The following MPV17 variants were observed in gnomAD, a reference collection of about 807,000 sequenced individuals.
MPV17 encodes mitochondrial inner membrane protein MPV17.
MPV17 carries 31 observed loss-of-function variants against 28.6 expected under a neutral mutation model. The observed-to-expected ratio is 1.08, with a 90% CI of 0.81 to 1.46. The LOEUF is 1.46. Among genes scored for constraint, MPV17 ranks in the 40% most tolerant of loss-of-function variants. The pLI is 0.00. For missense variants in MPV17, 198 were observed against 216.2 expected, an observed-to-expected ratio of 0.92 and a Z score of 0.53; for synonymous variants, 87 against 85.3, an observed-to-expected ratio of 1.02 and a Z score of -0.11.
At chr2:27,311,381 A>G (rs998951341) in intron 7 of MPV17, 5 of 584,374 alleles carry the variant, frequency 8.6e-6, no homozygotes, top group Admixed American at 3.0e-5. Flanking sequence ...CGTTTTAGCT[A>G]TGCTACTCAT....
At position 27,322,492 on chromosome 2, in the gene MPV17, C is replaced by T. The variant is rs925530420; in HGVS notation, c.26G>A (p.Arg9Gln). Reference sequence around the variant, plus strand: ...TTTCCACGGGTGAGCGGCCAGGGCCCGCTGGTATGCCCGCCAGAGTGCCAT... The same window carrying T: ...TTTCCACGGGTGAGCGGCCAGGGCCTGCTGGTATGCCCGCCAGAGTGCCAT... MALWRAYQRALAAHPWKVQ... is the reference protein window; with the variant it reads MALWRAYQQALAAHPWKVQ... The change falls in exon 2 of 8, where the codon CGG (arginine) becomes CAG (glutamine). Residue 9 changes from arginine to glutamine, a missense_variant. Physicochemically the swap from Arg to Gln is conservative, Grantham distance 43 (BLOSUM62 1). Transcript: ENST00000380044. 1.9e-6 allele frequency: 3 copies of T among 1,613,940 alleles called. No homozygotes were observed. Among genetic ancestry groups the T allele is most frequent in the African/African-American group, 2.7e-5 (2 of 74,944 alleles).
chr2:27,309,636 C>G lies in MPV17; in HGVS notation c.*276G>C. ...GAAGAGTGGGGATGAGTGGCATTTG[C>G]TGGGATATGGGTGTAAAGTTGATAA... On this transcript the variant is annotated 3_prime_UTR_variant, in exon 8 of 8. Coordinates refer to ENST00000380044, the MANE Select transcript of MPV17 (RefSeq NM_002437.5). 1.7e-6 allele frequency: 1 copy of G among 594,538 alleles called. No homozygotes were observed. Among genetic ancestry groups the G allele is most frequent in the Non-Finnish European group, 3.0e-6 (1 of 332,596 alleles). 36.8% of individuals were successfully genotyped at this position (594,538 alleles called of 1,614,324 possible).
In MPV17 at chr2:27,312,989, C is replaced by T. The variant is rs757562531; in HGVS notation, c.186+5G>A. Reference sequence around the variant, plus strand: ...CACTGAAGCCCTGTTGAGGGGAGAACTTACCACAAAGCCACAGCCCAGGGA... The same window carrying T: ...CACTGAAGCCCTGTTGAGGGGAGAATTTACCACAAAGCCACAGCCCAGGGA... On this transcript the variant is annotated splice_donor_5th_base_variant and intron_variant, in intron 3 of 7. Coordinates refer to ENST00000380044, the MANE Select transcript of MPV17 (RefSeq NM_002437.5). 2 of 1,614,172 alleles carry T rather than the reference C, an allele frequency of 1.2e-6. No homozygotes were observed. The highest frequency in any genetic ancestry group is 1.7e-6 in the Non-Finnish European group (2 of 1,179,996).
intron 7 of MPV17, chr2:27,311,382 T>C: frequency 3.4e-6 from 2 of 587,540 alleles, no homozygotes; most frequent in South Asian, 2.0e-5. Context: ...GTTTTAGCTA[T>C]GCTACTCATG....
At chr2:27,320,240 GAA>G (rs893382884) in intron 2 of MPV17, among the ~76,000 whole-genome samples, 1 of 132,590 alleles carries the variant, frequency 7.5e-6, no homozygotes, top group Admixed American at 7.7e-5. Flanking sequence ...CCATCTCGAA[GAA>G]AAAAAAAAAG....
At position 27,323,076 on chromosome 2, in the gene MPV17, G is replaced by T. The variant is rs537939605; in HGVS notation, c.-30C>A. ...CCTGAGCGCCGAGCCTCCCTCCCAC[G>T]TGACAGGCTGGCCTAGGAACTTCCG... On this transcript the variant is annotated 5_prime_UTR_variant, in exon 1 of 8. Coordinates refer to ENST00000380044, the MANE Select transcript of MPV17 (RefSeq NM_002437.5). The T allele has an allele frequency of 3.7e-5, 6 of 162,352 alleles. No individual in the cohort carries two copies. Among genetic ancestry groups the T allele is most frequent in the Non-Finnish European group, 8.2e-5 (6 of 72,928 alleles). The allele number at this position is 162,352 out of a possible 1,614,324, so 10.1% of individuals were successfully genotyped here.
intron 2 of MPV17, chr2:27,322,081 AG>A: frequency 3.2e-6 from 1 of 316,862 alleles, no homozygotes; most frequent in South Asian, 3.5e-5. Context: ...TAACCCTCCT[AG>A]CTCACACACC....
intron 7 of MPV17, 22 bp from the exon 8 acceptor site, chr2:27,310,003 A>G (rs1488504168): frequency 1.3e-6 from 2 of 1,595,856 alleles, no homozygotes; most frequent in Admixed American, 1.7e-5. Context: ...GAATAACACA[A>G]TGAAGAGGAG....
intron 2 of MPV17, among the ~76,000 whole-genome samples, chr2:27,315,041 CT>C (rs1679600238): frequency 1.3e-5 from 2 of 152,250 alleles, no homozygotes; most frequent in African/African-American, 4.8e-5. Context: ...CTCCCTGAAA[CT>C]CCCAAAGTGG....
At chr2:27,312,886 G>A in intron 3 of MPV17, 108 bp downstream of exon 3, 1 of 1,541,116 alleles carries the variant, frequency 6.5e-7, no homozygotes, top group Non-Finnish European at 9.0e-7. Flanking sequence ...TAAGAAAAAA[G>A]AGGGCGGCAG....
chr2:27,313,044 GT>G lies in MPV17; in HGVS notation c.135del (p.Glu45AspfsTer8), dbSNP rs777604559. ...ATGGTCAGAGTCCGGCCTCTCTGGT[GT>G]TCCTGCAGACCCCGCCTCTCCACCA... ...QQLVERRGLQ[E>X]HQRGRTLTMV... On this transcript the variant is annotated frameshift_variant, in exon 3 of 8. Transcript: ENST00000380044. LOFTEE classifies it high-confidence loss of function. 24 of 1,614,194 alleles carry G rather than the reference GT, an allele frequency of 1.5e-5. No homozygotes were observed. Among genetic ancestry groups the G allele is most frequent in the Non-Finnish European group, 2.0e-5 (24 of 1,180,046 alleles).
At chr2:27,319,976 ACCTGTAACC>A (rs1378102509) in intron 2 of MPV17, among the ~76,000 whole-genome samples, 1 of 150,998 alleles carries the variant, frequency 6.6e-6, no homozygotes, top group Non-Finnish European at 1.5e-5. Flanking sequence ...AGTGGCTCAC[ACCTGTAACC>A]CCAGCACTTT....
In MPV17 at chr2:27,309,843, G is replaced by A; in HGVS notation, c.*69C>T. The A allele has an allele frequency of 7.4e-7, 1 of 1,350,348 alleles. No homozygotes were observed. The highest frequency in any genetic ancestry group is 1.1e-6 in the Non-Finnish European group (1 of 942,576). 83.6% of individuals were successfully genotyped at this position (1,350,348 alleles called of 1,614,324 possible). On this transcript the variant is annotated 3_prime_UTR_variant, in exon 8 of 8. Transcript: ENST00000380044. ...GTGGAAACTGGTATGCCCACTTTGA[G>A]GAGGTTGTCTGACCGTTCCAGGGTC...
At chr2:27,311,498 T>C in intron 7 of MPV17, 1 of 1,147,854 alleles carries the variant, frequency 8.7e-7, no homozygotes, top group Non-Finnish European at 1.2e-6. Flanking sequence ...CACTATCTTT[T>C]TGGGTGCAGT....
At chr2:27,320,566 C>T (rs966232967) in intron 2 of MPV17, among the ~76,000 whole-genome samples, 7 of 152,136 alleles carry the variant, frequency 4.6e-5, no homozygotes, top group East Asian at 1.9e-4. Context: ...GATCTCCTGA[C>T]CTCGTGATCT....
chr2:27,312,311 G>C, intron 5 of MPV17, 65 bp from the exon 6 acceptor site: 1 of 1,551,644 alleles, frequency 6.4e-7, no homozygotes, highest in Non-Finnish European at 8.9e-7. Flanking sequence ...TTCCCAGTAT[G>C]AATGTCACAC....
chr2:27,310,031 C>G, intron 7 of MPV17, 50 bp from the exon 8 acceptor site: 1 of 1,429,458 alleles, frequency 7.0e-7, no homozygotes, highest in South Asian at 1.2e-5. Flanking sequence ...AAGCAGTGAG[C>G]AAGGGCTGGA....
At position 27,317,203 on chromosome 2, in the gene MPV17, G is replaced by A. The variant is rs572141468; in HGVS notation, c.71-4094C>T. 1.9e-6 allele frequency: 3 copies of A among 1,549,878 alleles called. No individual in the cohort carries two copies. In the Admixed American group the frequency reaches 5.9e-5, roughly 30 times the overall value. Reference sequence around the variant, plus strand: ...GTCGGCAGGTATAGCTACTGGCATGGGGCCAGCAGTGCTGCCTTCCTCCCC... The same window carrying A: ...GTCGGCAGGTATAGCTACTGGCATGAGGCCAGCAGTGCTGCCTTCCTCCCC... On this transcript the variant is annotated intron_variant, in intron 2 of 7. Transcript: ENST00000380044. This position sits in a 1 kb window ranked among gnomAD's most constrained non-coding sequence, Gnocchi z 4.0.
At chr2:27,320,538 G>C (rs1442305975) in intron 2 of MPV17, among the ~76,000 whole-genome samples, 2 of 152,068 alleles carry the variant, frequency 1.3e-5, no homozygotes, top group Admixed American at 6.5e-5. Flanking sequence ...GTTTCACCGT[G>C]TTAGCCAGGT....
Sources: gnomAD v4.1 joint callset for allele counts (sites outside exome capture counted in the v4.1 genomes callset) on GRCh38, gnomAD v4.1.1 for gene constraint, Gnocchi (gnomAD v3.1) non-coding constraint, MANE v1.5 for transcripts, NCBI Gene and HGNC (gene_info 2026-07-23, HGNC 2026-07-21) for gene names.